The following IL1RAPL1 variants were observed in gnomAD, a reference collection of about 807,000 sequenced individuals.
IL1RAPL1 encodes the protein interleukin 1 receptor accessory protein like 1.
In IL1RAPL1, 3 loss-of-function variants were observed where a neutral mutation model predicts 48.4. The ratio of observed to expected loss-of-function variants is 0.06; its 90% CI spans 0.03 to 0.16. IL1RAPL1 has a LOEUF of 0.16. IL1RAPL1 is among the 10% of genes least tolerant of loss of function. The pLI is 1.00. For missense variants in IL1RAPL1, 349 were observed against 530.6 expected, an observed-to-expected ratio of 0.66 and a Z score of 3.36; for synonymous variants, 185 against 187.7, an observed-to-expected ratio of 0.99 and a Z score of 0.12.
chrX:28,892,325 A>G (rs1922793817), intron 2 of IL1RAPL1, among the ~76,000 whole-genome samples: 1 of 106,940 alleles, frequency 9.4e-6, no homozygotes, highest in African/African-American at 3.4e-5. Flanking sequence ...GGGGGTCAGA[A>G]GGTGCTCAGT....
At chrX:29,459,926 C>T (rs1934783234) in intron 5 of IL1RAPL1, among the ~76,000 whole-genome samples, 1 of 111,493 alleles carries the variant, frequency 9.0e-6, no homozygotes, top group Non-Finnish European at 1.9e-5. Flanking sequence ...CAGCCCTGGT[C>T]GCTACCATTC....
chrX:28,933,691 T>A (rs1280783583), intron 2 of IL1RAPL1, among the ~76,000 whole-genome samples: 2 of 111,256 alleles, frequency 1.8e-5, no homozygotes, highest in African/African-American at 6.5e-5. Flanking sequence ...AAGTAAAGGA[T>A]TGAAGAATGG....
intron 1 of IL1RAPL1, among the ~76,000 whole-genome samples, chrX:28,598,926 C>A (rs1233286258): frequency 9.2e-6 from 1 of 108,608 alleles, no homozygotes; most frequent in Non-Finnish European, 1.9e-5. Context: ...CCGCACCCAG[C>A]CGAGAAATTT....
chrX:29,801,573 A>T (rs1182562118), intron 6 of IL1RAPL1, among the ~76,000 whole-genome samples: 6 of 112,329 alleles, frequency 5.3e-5, no homozygotes, highest in Non-Finnish European at 9.4e-5. Context: ...TTATGAGCTG[A>T]GCTTGAAGTC....
chrX:29,112,793 G>GTTTTTTTTTT (rs774106013), intron 2 of IL1RAPL1, among the ~76,000 whole-genome samples: 1 of 71,315 alleles, frequency 1.4e-5, no homozygotes. Flanking sequence ...GTCAACTTTG[G>GTTTTTTTTTT]TTTTTTTTTT....
chrX:29,791,949 C>T (rs1466942539), intron 6 of IL1RAPL1, among the ~76,000 whole-genome samples: 1 of 108,282 alleles, frequency 9.2e-6, no homozygotes, highest in East Asian at 2.9e-4. Context: ...CCAGGCTTGT[C>T]TTGAACTCCT....
intron 6 of IL1RAPL1, among the ~76,000 whole-genome samples, chrX:29,881,819 T>G (rs1409183783): frequency 8.9e-6 from 1 of 111,857 alleles, no homozygotes. Flanking sequence ...ATTTATTCTT[T>G]TCTTATATGT....
At chrX:29,465,020 G>A (rs4829190) in intron 5 of IL1RAPL1, among the ~76,000 whole-genome samples, 53,173 of 110,598 alleles carry the variant, frequency 0.48, 9,203 homozygotes, top group East Asian at 0.75. Flanking sequence ...AAACACCTGT[G>A]ACACAGAATT....
intron 5 of IL1RAPL1, among the ~76,000 whole-genome samples, chrX:29,548,567 T>C (rs1921704295): frequency 8.9e-6 from 1 of 112,263 alleles, no homozygotes; most frequent in Non-Finnish European, 1.9e-5. Context: ...GTTTTTAAAA[T>C]AGAAAATTAA....
chrX:29,094,389 C>T (rs913907444), intron 2 of IL1RAPL1, among the ~76,000 whole-genome samples: 2 of 110,570 alleles, frequency 1.8e-5, no homozygotes, highest in African/African-American at 6.6e-5. Flanking sequence ...TGTTATAAGG[C>T]GGATTTTTAG....
At chrX:29,184,907 A>G (rs961464789) in intron 2 of IL1RAPL1, among the ~76,000 whole-genome samples, 1 of 112,393 alleles carries the variant, frequency 8.9e-6, no homozygotes, top group African/African-American at 3.2e-5. Context: ...AAGTCAAAAC[A>G]AATTAAATAA....
intron 6 of IL1RAPL1, among the ~76,000 whole-genome samples, chrX:29,722,882 A>AT (rs1367509493): frequency 8.9e-6 from 1 of 112,027 alleles, no homozygotes; most frequent in African/African-American, 3.2e-5. Flanking sequence ...TGCTTTCTCT[A>AT]TTTTTCGAGG....
chrX:29,028,138 A>G (rs781635765), intron 2 of IL1RAPL1, among the ~76,000 whole-genome samples: 1 of 110,713 alleles, frequency 9.0e-6, no homozygotes, highest in East Asian at 2.8e-4. Flanking sequence ...ATTTTTAAGA[A>G]TACAATACAT....
chrX:29,594,752 A>G (rs1270251343), intron 5 of IL1RAPL1, among the ~76,000 whole-genome samples: 1 of 110,981 alleles, frequency 9.0e-6, no homozygotes, highest in Non-Finnish European at 1.9e-5. Flanking sequence ...TTTTATTTCA[A>G]TAGGTTTTTA....
At position 28,768,152 on chromosome X, in the gene IL1RAPL1, C is replaced by T. The variant is rs190438997; in HGVS notation, c.-24-21168C>T. On this transcript the variant is annotated intron_variant, in intron 1 of 10. Transcript: ENST00000378993. ...TTATCATCATCTCTGATTTTATGTT[C>T]GTGAAATTATAACTCAGTTTCGTTG... 2.4e-3 allele frequency among the ~76,000 whole-genome samples: 267 copies of T among 111,477 alleles called. 1 individual carries two copies. Among genetic ancestry groups the T allele is most frequent in the Middle Eastern group, 4.7e-3 (1 of 213 alleles).
chrX:29,654,836 A>AT (rs1216735008), intron 5 of IL1RAPL1, among the ~76,000 whole-genome samples: 2 of 112,194 alleles, frequency 1.8e-5, no homozygotes, highest in African/African-American at 3.2e-5. Context: ...GCAAATACGA[A>AT]TTTTTTTATA....
chrX:29,269,391 T>C (rs982657383), intron 2 of IL1RAPL1, among the ~76,000 whole-genome samples: 4 of 111,374 alleles, frequency 3.6e-5, no homozygotes, highest in Non-Finnish European at 7.6e-5. Flanking sequence ...TTCACGTAAG[T>C]ACTTCACCTC....
At chrX:28,634,808 C>A (rs1444363859) in intron 1 of IL1RAPL1, among the ~76,000 whole-genome samples, 1 of 110,040 alleles carries the variant, frequency 9.1e-6, no homozygotes, top group Non-Finnish European at 1.9e-5. Flanking sequence ...TCTGAAATCA[C>A]GTTCTTTACT....
chrX:29,332,983 G>A (rs766169349), intron 3 of IL1RAPL1, among the ~76,000 whole-genome samples: 3 of 111,266 alleles, frequency 2.7e-5, no homozygotes, highest in South Asian at 7.7e-4. Flanking sequence ...CAGATCAACA[G>A]GATCCCAAGG....
Sources: allele counts gnomAD v4.1 joint callset (sites outside exome capture counted in the v4.1 genomes callset), GRCh38; gene constraint gnomAD v4.1.1; transcripts MANE v1.5; gene names NCBI Gene and HGNC (gene_info 2026-07-23, HGNC 2026-07-21).